NBAS: variants seen among roughly 807,000 people sequenced by gnomAD.
NBAS encodes NAG/BC035112 fusion.
A neutral mutation model predicts 302.5 loss-of-function variants in NBAS; 219 were observed. The observed-to-expected ratio is 0.72, with a 90% confidence interval of 0.65 to 0.81. NBAS has a LOEUF of 0.81. Ranked by LOEUF, NBAS falls within the 30% of genes least tolerant of loss-of-function variation. The pLI is 0.00. For synonymous variants in NBAS, 1,118 were observed against 1,021.6 expected (o/e 1.09, Z -1.80); for missense variants, 2,932 against 2,841.6 (o/e 1.03, Z -0.72).
chr2:15,114,212 T>C, the NBAS span, among the ~76,000 whole-genome samples: 1 of 152,160 alleles, frequency 6.6e-6, no homozygotes, highest in Non-Finnish European at 1.5e-5. Flanking sequence ...ACAGGCTGGG[T>C]GGCTTAAACA....
chr2:14,873,085 C>T, the NBAS span, among the ~76,000 whole-genome samples: 2 of 152,204 alleles, frequency 1.3e-5, no homozygotes, highest in Admixed American at 6.5e-5. Flanking sequence ...TGCGTTTATT[C>T]CCTTAACTGG....
chr2:15,472,030 CCA>C (rs1340056501), intron 16 of NBAS, among the ~76,000 whole-genome samples: 2 of 152,090 alleles, frequency 1.3e-5, no homozygotes, highest in African/African-American at 4.8e-5. Flanking sequence ...CAGGAAGTAT[CCA>C]GTTTTGAGAT....
chr2:15,535,195 C>T (rs1558419996), intron 8 of NBAS, among the ~76,000 whole-genome samples: 2 of 152,148 alleles, frequency 1.3e-5, no homozygotes, highest in Non-Finnish European at 1.5e-5. Flanking sequence ...CAGAGGATAA[C>T]AAAATCTGTA....
intron 27 of NBAS, 74 bp from the exon 28 acceptor site, chr2:15,394,423 T>C (rs757368461): frequency 6.8e-5 from 104 of 1,526,438 alleles, no homozygotes; most frequent in South Asian, 9.0e-5. Flanking sequence ...GGCATAGAGG[T>C]AGCCCTTCAG....
the NBAS span, among the ~76,000 whole-genome samples, chr2:15,035,266 A>C: frequency 6.6e-6 from 1 of 152,180 alleles, no homozygotes; most frequent in Admixed American, 6.5e-5. Context: ...TATAAATCAA[A>C]ACCACAATGA....
At chr2:14,951,345 C>T in the NBAS span, among the ~76,000 whole-genome samples, 8 of 152,172 alleles carry the variant, frequency 5.3e-5, no homozygotes, top group Admixed American at 5.2e-4. Context: ...TGACCAAAGT[C>T]CTGTTCTATC....
chr2:15,303,093 T>C (rs569100203), intron 40 of NBAS, among the ~76,000 whole-genome samples: 37 of 152,324 alleles, frequency 2.4e-4, no homozygotes, highest in African/African-American at 8.7e-4. Context: ...GCAGATTGCC[T>C]ATTGTGGGAA....
At chr2:15,476,571 A>G (rs1381646197) in intron 13 of NBAS, among the ~76,000 whole-genome samples, 1 of 151,994 alleles carries the variant, frequency 6.6e-6, no homozygotes, top group Non-Finnish European at 1.5e-5. Flanking sequence ...AAATACAAAA[A>G]TTAGCCAGGC....
At chr2:15,441,570 C>T (rs541377945) in intron 21 of NBAS, among the ~76,000 whole-genome samples, 1,833 of 151,652 alleles carry the variant, frequency 0.012, 14 homozygotes, top group East Asian at 0.057. Flanking sequence ...ATGTAAAGAC[C>T]ATCGAGACTA....
At chr2:15,049,060 A>G in the NBAS span, among the ~76,000 whole-genome samples, 2 of 152,250 alleles carry the variant, frequency 1.3e-5, no homozygotes, top group Non-Finnish European at 2.9e-5. Flanking sequence ...CTTTGCAGGC[A>G]GGTGGAGAGA....
intron 28 of NBAS, among the ~76,000 whole-genome samples, chr2:15,385,867 G>A (rs779189478): frequency 6.6e-6 from 1 of 152,064 alleles, no homozygotes; most frequent in East Asian, 1.9e-4. Context: ...CAGGGACTCC[G>A]TAAGTATTTA....
chr2:15,145,805 T>C, the NBAS span, among the ~76,000 whole-genome samples: 1 of 152,008 alleles, frequency 6.6e-6, no homozygotes, highest in African/African-American at 2.4e-5. Flanking sequence ...ACCTACTGGA[T>C]CAGAAATTCT....
chr2:15,536,772 A>G (rs991282303), intron 7 of NBAS, among the ~76,000 whole-genome samples: 5 of 152,194 alleles, frequency 3.3e-5, no homozygotes, highest in Non-Finnish European at 7.3e-5. Flanking sequence ...AAACCACAGC[A>G]GCCCCTTTGA....
chr2:15,154,499 T>C, the NBAS span, among the ~76,000 whole-genome samples: 96 of 152,322 alleles, frequency 6.3e-4, no homozygotes, highest in South Asian at 0.015. Context: ...AAATGTTGTT[T>C]CTGAGTATCT....
intron 6 of NBAS, among the ~76,000 whole-genome samples, chr2:15,547,600 C>T (rs1664175777): frequency 6.6e-6 from 1 of 152,140 alleles, no homozygotes; most frequent in Admixed American, 6.5e-5. Context: ...TCTCGATTTA[C>T]CTACTGGCTA....
intron 6 of NBAS, among the ~76,000 whole-genome samples, chr2:15,549,840 T>C (rs1664294014): frequency 1.3e-5 from 2 of 151,834 alleles, no homozygotes; most frequent in African/African-American, 2.4e-5. Context: ...TAAGTACAAG[T>C]ACAGTCATTA....
chr2:15,509,767 T>C (rs1468623611), intron 10 of NBAS, among the ~76,000 whole-genome samples: 1 of 152,240 alleles, frequency 6.6e-6, no homozygotes, highest in Non-Finnish European at 1.5e-5. Context: ...TCAACTTTTC[T>C]AGATTTCTTC....
intron 44 of NBAS, among the ~76,000 whole-genome samples, chr2:15,273,554 A>T (rs956866608): frequency 6.6e-6 from 1 of 152,190 alleles, no homozygotes; most frequent in Non-Finnish European, 1.5e-5. Flanking sequence ...TCTATTACCA[A>T]CTTAACTTTG....
chr2:15,173,364 G>A (rs1467061325), intron 51 of NBAS, among the ~76,000 whole-genome samples: 1 of 152,160 alleles, frequency 6.6e-6, no homozygotes, highest in African/African-American at 2.4e-5. Flanking sequence ...GAGGAAAGCT[G>A]AAATTCCAGA....
Sources: gnomAD v4.1 joint callset for allele counts (sites outside exome capture counted in the v4.1 genomes callset) on GRCh38, gnomAD v4.1.1 for gene constraint, MANE v1.5 for transcripts, NCBI Gene and HGNC (gene_info 2026-07-23, HGNC 2026-07-21) for gene names.